CDH13: variants seen among roughly 807,000 people sequenced by gnomAD.
CDH13 encodes cadherin 13.
In CDH13, 24 loss-of-function variants were observed where a neutral mutation model predicts 63.8. The ratio of observed to expected loss-of-function variants is 0.38; its 90% CI spans 0.27 to 0.53. The LOEUF is 0.53. CDH13 is among the 20% of genes least tolerant of loss of function. The pLI is 0.85. For missense variants in CDH13, 1,049 were observed against 903.1 expected, an observed-to-expected ratio of 1.16 and a Z score of -2.07; for synonymous variants, 503 against 355.3, an observed-to-expected ratio of 1.42 and a Z score of -4.67.
chr16:83,710,860 G>C (rs1907934682), intron 10 of CDH13, among the ~76,000 whole-genome samples: 1 of 152,202 alleles, frequency 6.6e-6, no homozygotes, highest in Admixed American at 6.5e-5. Flanking sequence ...AATGGGAAGT[G>C]CTGGAGCTGG....
chr16:83,163,186 C>T (rs1327122224), intron 4 of CDH13, among the ~76,000 whole-genome samples: 2 of 152,134 alleles, frequency 1.3e-5, no homozygotes, highest in African/African-American at 2.4e-5. Flanking sequence ...GTGAGGCTTC[C>T]CCAGCCACAT....
chr16:83,000,567 CTTTTCTCTT>C (rs1166431300), intron 2 of CDH13, among the ~76,000 whole-genome samples: 2 of 138,208 alleles, frequency 1.4e-5, no homozygotes, highest in African/African-American at 5.4e-5. Flanking sequence ...TCTCTTTTTT[CTTTTCTCTT>C]TTTTTTTTTT....
intron 2 of CDH13, among the ~76,000 whole-genome samples, chr16:82,912,630 T>C (rs1029850633): frequency 2.0e-5 from 3 of 152,180 alleles, no homozygotes; most frequent in African/African-American, 7.2e-5. Context: ...AATTTGTGCT[T>C]TCTGTTATTG....
intron 2 of CDH13, among the ~76,000 whole-genome samples, chr16:82,969,062 G>A (rs929632104): frequency 1.3e-5 from 2 of 152,120 alleles, no homozygotes; most frequent in African/African-American, 4.8e-5. Context: ...AGCCAAGATC[G>A]CATCACTGCA....
intron 5 of CDH13, among the ~76,000 whole-genome samples, chr16:83,266,620 A>G (rs1184879767): frequency 6.6e-6 from 1 of 152,228 alleles, no homozygotes; most frequent in Non-Finnish European, 1.5e-5. Flanking sequence ...AAAAAATGGA[A>G]AAGGTAGACT....
intron 1 of CDH13, among the ~76,000 whole-genome samples, chr16:82,656,135 T>C: frequency 6.6e-6 from 1 of 152,162 alleles, no homozygotes; most frequent in African/African-American, 2.4e-5. Context: ...AGATGACATA[T>C]GAGCTGAGAC....
intron 6 of CDH13, among the ~76,000 whole-genome samples, chr16:83,477,476 C>T (rs1479260688): frequency 3.3e-5 from 5 of 152,116 alleles, no homozygotes; most frequent in African/African-American, 9.7e-5. Flanking sequence ...CAGTTGTGTT[C>T]CTATGGGATG....
At chr16:83,089,537 CAGG>C (rs1180487188) in intron 3 of CDH13, among the ~76,000 whole-genome samples, 1 of 152,218 alleles carries the variant, frequency 6.6e-6, no homozygotes, top group Non-Finnish European at 1.5e-5. Context: ...TGGGACCAGA[CAGG>C]AGTCCTGCAG....
chr16:82,629,879 A>G (rs944023807), intron 1 of CDH13, among the ~76,000 whole-genome samples: 1 of 152,200 alleles, frequency 6.6e-6, no homozygotes, highest in Non-Finnish European at 1.5e-5. Flanking sequence ...TGAGCAAGAA[A>G]TTCCATGGTA....
intron 1 of CDH13, among the ~76,000 whole-genome samples, chr16:82,784,702 A>G (rs958151044): frequency 6.6e-6 from 1 of 152,126 alleles, no homozygotes; most frequent in African/African-American, 2.4e-5. Context: ...AACTCTCTCT[A>G]TGGTGAGGTG....
chr16:83,414,812 C>T (rs1204579505), intron 6 of CDH13, among the ~76,000 whole-genome samples: 6 of 152,226 alleles, frequency 3.9e-5, no homozygotes, highest in African/African-American at 1.4e-4. Flanking sequence ...TCCACTCATC[C>T]ATCACTGAAC....
At chr16:83,370,893 T>C (rs1169947187) in intron 6 of CDH13, among the ~76,000 whole-genome samples, 1 of 152,184 alleles carries the variant, frequency 6.6e-6, no homozygotes, top group Non-Finnish European at 1.5e-5. Flanking sequence ...TTAGGTTGAA[T>C]CCCTGTCTTT....
At chr16:82,759,951 T>C (rs1346223478) in intron 1 of CDH13, among the ~76,000 whole-genome samples, 3 of 152,348 alleles carry the variant, frequency 2.0e-5, no homozygotes, top group Non-Finnish European at 4.4e-5. Context: ...AGTTTTCATT[T>C]ATCAACAATT....
intron 1 of CDH13, among the ~76,000 whole-genome samples, chr16:82,690,397 TAAC>T (rs1203738214): frequency 6.6e-6 from 1 of 152,050 alleles, no homozygotes; most frequent in Non-Finnish European, 1.5e-5. Flanking sequence ...GACACAAAAA[TAAC>T]AAAAAATTAA....
chr16:83,735,429 GT>G (rs1163025429), intron 10 of CDH13: 5 of 151,572 alleles, frequency 3.3e-5, no homozygotes, highest in African/African-American at 1.2e-4. Flanking sequence ...TTTTCTTCTT[GT>G]ATTGCTTTAC....
At chr16:82,691,384 C>T (rs538114392) in intron 1 of CDH13, among the ~76,000 whole-genome samples, 1 of 152,284 alleles carries the variant, frequency 6.6e-6, no homozygotes, top group South Asian at 2.1e-4. Flanking sequence ...ATGCAAAATC[C>T]ATACCCAGGA....
At chr16:83,505,601 T>C (rs544969832) in intron 7 of CDH13, among the ~76,000 whole-genome samples, 1 of 141,922 alleles carries the variant, frequency 7.0e-6, no homozygotes, top group East Asian at 2.1e-4. Flanking sequence ...TGGAGTGCAA[T>C]GGTGGAATCT....
chr16:83,385,423 C>T (rs1179024983), intron 6 of CDH13, among the ~76,000 whole-genome samples: 1 of 152,170 alleles, frequency 6.6e-6, no homozygotes, highest in Non-Finnish European at 1.5e-5. Context: ...GCAAGGTGGC[C>T]TGATCACTTT....
chr16:83,561,820 T>C (rs1169478526), intron 7 of CDH13, among the ~76,000 whole-genome samples: 3 of 152,182 alleles, frequency 2.0e-5, no homozygotes, highest in African/African-American at 4.8e-5. Flanking sequence ...CACAGCTGAG[T>C]GGCATCACTG....
Sources: allele counts gnomAD v4.1 joint callset (sites outside exome capture counted in the v4.1 genomes callset), GRCh38; gene constraint gnomAD v4.1.1; transcripts MANE v1.5; gene names NCBI Gene and HGNC (gene_info 2026-07-23, HGNC 2026-07-21).